Variants in DCC observed in about 807,000 individuals in gnomAD.
The protein encoded by DCC is DCC netrin 1 receptor, also known as netrin receptor DCC.
In DCC, 58 loss-of-function variants were observed where a neutral mutation model predicts 172.5. The ratio of observed to expected loss-of-function variants is 0.34; its 90% confidence interval spans 0.27 to 0.42. The LOEUF (loss-of-function observed/expected upper bound fraction) is 0.42. DCC is among the 10% of genes least tolerant of loss of function. The pLI is 1.00. For synonymous variants in DCC, 709 were observed against 644.5 expected (o/e 1.10, Z -1.52); for missense variants, 1,740 against 1,791.0 (o/e 0.97, Z 0.51).
chr18:53,248,266 A>G (rs753728378), intron 12 of DCC, among the ~76,000 whole-genome samples: 1 of 152,018 alleles, frequency 6.6e-6, no homozygotes, highest in African/African-American at 2.4e-5. Flanking sequence ...CTGAACATTC[A>G]GAGATGGGCC....
chr18:53,073,321 C>G (rs1031902882), intron 7 of DCC, among the ~76,000 whole-genome samples: 47 of 152,060 alleles, frequency 3.1e-4, no homozygotes, highest in African/African-American at 1.1e-3. Context: ...GTCAGGAGAT[C>G]GAGACCATCC....
chr18:53,212,837 A>T (rs2055779152), intron 11 of DCC, among the ~76,000 whole-genome samples: 1 of 151,866 alleles, frequency 6.6e-6, no homozygotes, highest in African/African-American at 2.4e-5. Flanking sequence ...CGCCAGGCTA[A>T]TTTTTTGTAT....
chr18:52,751,277 T>G (rs1484736617), intron 1 of DCC, among the ~76,000 whole-genome samples: 1 of 152,222 alleles, frequency 6.6e-6, no homozygotes, highest in Non-Finnish European at 1.5e-5. Flanking sequence ...AATGCTATAC[T>G]GCCAGCTTCA....
chr18:52,684,071 A>T (rs1416790816), intron 1 of DCC, among the ~76,000 whole-genome samples: 1 of 152,120 alleles, frequency 6.6e-6, no homozygotes, highest in Non-Finnish European at 1.5e-5. Context: ...GACGCTTAAA[A>T]ACGATAAGCC....
intron 4 of DCC, among the ~76,000 whole-genome samples, chr18:52,924,389 G>A (rs2040168865): frequency 6.6e-6 from 1 of 152,058 alleles, no homozygotes; most frequent in Non-Finnish European, 1.5e-5. Flanking sequence ...ATTCAAATAT[G>A]TAGCATGTCA....
chr18:53,134,031 G>C (rs2043699907), intron 7 of DCC, among the ~76,000 whole-genome samples: 1 of 152,054 alleles, frequency 6.6e-6, no homozygotes. Context: ...AGATGGGGTG[G>C]GATATGTGAA....
intron 2 of DCC, among the ~76,000 whole-genome samples, chr18:52,862,036 T>C (rs913242737): frequency 1.3e-5 from 2 of 152,160 alleles, no homozygotes; most frequent in African/African-American, 4.8e-5. Flanking sequence ...ATAATCATAA[T>C]TGTGACTGAT....
At chr18:52,642,465 T>C (rs1465860502) in intron 1 of DCC, among the ~76,000 whole-genome samples, 1 of 152,050 alleles carries the variant, frequency 6.6e-6, no homozygotes, top group Admixed American at 6.5e-5. Context: ...CCCAATAACC[T>C]ATGGAAATAA....
rs560057956 is a variant in DCC at position 53,465,082 on chromosome 18, GT to G, written c.3620-2808del. Among the ~76,000 whole-genome samples, 67 of 151,830 alleles carry G rather than the reference GT, an allele frequency of 4.4e-4. No individual in the cohort carries two copies. The South Asian group carries it at 9.6e-3, about 22-fold the overall frequency. On this transcript the variant is annotated intron_variant, in intron 24 of 28. Coordinates refer to ENST00000442544, the MANE Select transcript of DCC (RefSeq NM_005215.4). ...GGCAAGAAGAAGCACATTAGATAGT[GT>G]TTTAATGTTTGCTTCTACTGTCAAA...
At chr18:52,509,094 T>G (rs1012260300) in intron 1 of DCC, among the ~76,000 whole-genome samples, 1 of 152,238 alleles carries the variant, frequency 6.6e-6, no homozygotes, top group African/African-American at 2.4e-5. Flanking sequence ...TGTAAACCTA[T>G]TTTTTCAACT....
intron 1 of DCC, among the ~76,000 whole-genome samples, chr18:52,585,805 C>T (rs1041778976): frequency 3.3e-5 from 5 of 152,112 alleles, no homozygotes; most frequent in East Asian, 1.9e-4. Context: ...CACTGTCGGC[C>T]GGGCGCGGTG....
intron 5 of DCC, among the ~76,000 whole-genome samples, chr18:53,048,239 A>G (rs2042284770): frequency 6.6e-6 from 1 of 151,764 alleles, no homozygotes; most frequent in East Asian, 2.0e-4. Flanking sequence ...ACAGTACCCA[A>G]TAGGTATTTT....
At chr18:52,895,221 G>A (rs993543962) in intron 2 of DCC, among the ~76,000 whole-genome samples, 32 of 152,180 alleles carry the variant, frequency 2.1e-4, no homozygotes, top group African/African-American at 6.8e-4. Flanking sequence ...AATATCAGCC[G>A]TATTCACAAT....
intron 1 of DCC, among the ~76,000 whole-genome samples, chr18:52,641,490 C>G (rs1430298925): frequency 1.3e-5 from 2 of 152,060 alleles, no homozygotes; most frequent in African/African-American, 4.8e-5. Context: ...CATCCAGAAT[C>G]TACAATGAAC....
Position 52,685,969 on chromosome 18 carries a change from G to T in DCC, c.92-66085G>T, listed in dbSNP as rs563642798. ...CCTTCTCCTCAAGGGCTAACTGGATGTTCCTGTATCAACATCAATATTGAA... is the reference window on the plus strand; with the variant it reads ...CCTTCTCCTCAAGGGCTAACTGGATTTTCCTGTATCAACATCAATATTGAA... On this transcript the variant is annotated intron_variant, in intron 1 of 28. Coordinates refer to ENST00000442544, the MANE Select transcript of DCC (RefSeq NM_005215.4). 2.6e-5 allele frequency among the ~76,000 whole-genome samples: 4 copies of T among 152,240 alleles called. No individual in the cohort carries two copies. In the South Asian group the frequency reaches 8.3e-4, roughly 32 times the overall value.
chr18:52,876,029 G>A (rs894068468), intron 2 of DCC, among the ~76,000 whole-genome samples: 4 of 151,968 alleles, frequency 2.6e-5, no homozygotes, highest in African/African-American at 9.7e-5. Context: ...CCTTACGTTT[G>A]CCTTCCACAT....
chr18:52,389,982 T>TAG (rs1985967633), intron 1 of DCC, among the ~76,000 whole-genome samples: 1 of 152,080 alleles, frequency 6.6e-6, no homozygotes, highest in Non-Finnish European at 1.5e-5. Flanking sequence ...ATTTTTCATA[T>TAG]AGAGAGACTG....
chr18:53,481,878 T>C (rs1354899547), intron 25 of DCC, among the ~76,000 whole-genome samples: 1 of 152,178 alleles, frequency 6.6e-6, no homozygotes, highest in Non-Finnish European at 1.5e-5. Context: ...TTGAAAAATT[T>C]TGTGCATCAA....
intron 1 of DCC, among the ~76,000 whole-genome samples, chr18:52,728,346 A>G (rs2145089361): frequency 6.6e-6 from 1 of 152,308 alleles, no homozygotes; most frequent in African/African-American, 2.4e-5. Context: ...TCAAGGGTAG[A>G]GGCATTTAGG....
Sources: gnomAD v4.1 joint callset for allele counts (sites outside exome capture counted in the v4.1 genomes callset) on GRCh38, gnomAD v4.1.1 for gene constraint, MANE v1.5 for transcripts, NCBI Gene and HGNC (gene_info 2026-07-23, HGNC 2026-07-21) for gene names.